Variants in PARP12 observed in about 807,000 individuals in gnomAD.
PARP12 encodes the protein poly(ADP-ribose) polymerase family member 12, also known as protein mono-ADP-ribosyltransferase PARP12.
A neutral mutation model predicts 72.4 loss-of-function variants in PARP12; 59 were observed. The ratio of observed to expected loss-of-function variants is 0.81; its 90% CI spans 0.66 to 1.01. The LOEUF is 1.01. Among genes scored for constraint, PARP12 ranks in the 50% least tolerant of loss-of-function variants. The pLI, the probability that PARP12 is intolerant of heterozygous loss-of-function variation, is 0.00. For missense variants in PARP12, 851 were observed against 914.0 expected (o/e 0.93, Z 0.89); for synonymous variants, 403 against 371.4 (o/e 1.09, Z -0.98).
At chr7:140,053,659 C>T (rs1817059427) in intron 4 of PARP12, among the ~76,000 whole-genome samples, 1 of 152,000 alleles carries the variant, frequency 6.6e-6, no homozygotes, top group Non-Finnish European at 1.5e-5. Context: ...TATTCCTTGA[C>T]CTATCATTCC....
At chr7:140,050,107 G>C (rs959825133) in intron 4 of PARP12, among the ~76,000 whole-genome samples, 2 of 152,146 alleles carry the variant, frequency 1.3e-5, no homozygotes, top group African/African-American at 4.8e-5. Flanking sequence ...TTCAAGAATT[G>C]CTAAAACTAT....
intron 8 of PARP12, among the ~76,000 whole-genome samples, chr7:140,032,993 C>T (rs888546947): frequency 1.3e-5 from 2 of 151,836 alleles, no homozygotes; most frequent in Non-Finnish European, 2.9e-5. Flanking sequence ...ACTCTGTCAC[C>T]CAGGCTGGAG....
rs1245120419 is a variant in PARP12 at position 140,024,172 on chromosome 7, CTA to C, written c.*386_*387del. 3 of 304,914 alleles carry C rather than the reference CTA, an allele frequency of 9.8e-6. No homozygotes were observed. The highest frequency in any genetic ancestry group is 9.5e-5 in the Admixed American group (2 of 21,076). 18.9% of individuals were successfully genotyped at this position (304,914 alleles called of 1,614,324 possible). On this transcript the variant is annotated 3_prime_UTR_variant, in exon 12 of 12. Coordinates refer to ENST00000263549, the MANE Select transcript of PARP12 (RefSeq NM_022750.4). ...TGGCTACTGTGTCATTCTGGAAAAA[CTA>C]TGATGCCATGAGACTCTGAGAAACC...
intron 1 of PARP12, among the ~76,000 whole-genome samples, chr7:140,059,859 G>A (rs1817367416): frequency 6.6e-6 from 1 of 152,216 alleles, no homozygotes; most frequent in African/African-American, 2.4e-5. Flanking sequence ...AGGGCTGGGA[G>A]AGAACTGGGG....
intron 7 of PARP12, among the ~76,000 whole-genome samples, chr7:140,035,890 A>AGAGGAGGAGGAC (rs1816136788): frequency 8.4e-6 from 1 of 119,022 alleles, no homozygotes; most frequent in Non-Finnish European, 1.8e-5. Context: ...AGGAAGAGGA[A>AGAGGAGGAGGAC]GAGGAGGAGG....
At chr7:140,026,423 A>C in intron 10 of PARP12, 75 bp from the exon 11 acceptor site, 1 of 1,538,690 alleles carries the variant, frequency 6.5e-7, no homozygotes, top group Non-Finnish European at 8.7e-7. Flanking sequence ...ATGCAAAACA[A>C]CACATTTTTC....
intron 1 of PARP12, among the ~76,000 whole-genome samples, chr7:140,061,459 A>G (rs1817440449): frequency 6.6e-6 from 1 of 152,088 alleles, no homozygotes; most frequent in African/African-American, 2.4e-5. Context: ...ACATACACAC[A>G]CACACACAAA....
intron 7 of PARP12, among the ~76,000 whole-genome samples, chr7:140,036,345 G>A (rs544036863): frequency 4.9e-4 from 74 of 152,330 alleles, no homozygotes; most frequent in Non-Finnish European, 8.7e-4. Flanking sequence ...GGGCAGTCCT[G>A]ATTTGATTAA....
rs115954938 is a variant in PARP12, at chr7:140,027,384, G to A, written c.1520C>T (p.Ser507Leu). 1.2e-4 allele frequency: 194 copies of A among 1,613,976 alleles called. No individual in the cohort carries two copies. In the African/African-American group the frequency reaches 2.1e-3, roughly 18 times the overall value. Residue 507 changes from serine (S) to leucine (L), a missense_variant, in exon 10 of 12, where the codon TCG (serine) becomes TTG (leucine). By Grantham distance (145) the Ser-to-Leu change is moderately radical. This residue lies in a region of PARP12 where 347 missense variants were observed against 396.1 expected (regional missense o/e 0.88). Coordinates refer to ENST00000263549, the MANE Select transcript of PARP12 (RefSeq NM_022750.4). ...GFQKITLSSSSEEYQKVWNLF... is the reference protein window; with the variant it reads ...GFQKITLSSSLEEYQKVWNLF... Reference sequence around the variant, plus strand: ...GTTCCAGACCTTCTGATACTCTTCCGAGGAAGAACTAAGGGTGATCTTCTG... The same window carrying A: ...GTTCCAGACCTTCTGATACTCTTCCAAGGAAGAACTAAGGGTGATCTTCTG...
At chr7:140,050,031 C>G (rs1331931547) in intron 4 of PARP12, among the ~76,000 whole-genome samples, 1 of 151,912 alleles carries the variant, frequency 6.6e-6, no homozygotes, top group East Asian at 1.9e-4. Context: ...AATAACAGGC[C>G]AGAGAGAATA....
intron 8 of PARP12, among the ~76,000 whole-genome samples, chr7:140,030,367 G>A (rs1296170926): frequency 1.3e-5 from 2 of 152,328 alleles, no homozygotes; most frequent in Non-Finnish European, 2.9e-5. Context: ...GGAGGCCGAG[G>A]TGGGCAGATC....
At position 140,023,758 on chromosome 7, in the gene PARP12, ATTTTC is replaced by A. The variant is rs1470521438; in HGVS notation, c.*797_*801del. On this transcript the variant is annotated 3_prime_UTR_variant, in exon 12 of 12. Coordinates refer to ENST00000263549, the MANE Select transcript of PARP12 (RefSeq NM_022750.4). ...TTCAGTCTTCATCCACTTCGGATAA[ATTTTC>A]TTTTATTTCCATACTCTTTTGTGAC... 5 of 152,674 alleles carry A rather than the reference ATTTTC, an allele frequency of 3.3e-5. No individual in the cohort carries two copies. The highest frequency in any genetic ancestry group is 4.8e-5 in the African/African-American group (2 of 41,436). 9.5% of individuals were successfully genotyped at this position (152,674 alleles called of 1,614,324 possible). A position where few individuals can be genotyped will look rare whatever the true frequency, so the allele number is the denominator to read the frequency against.
chr7:140,037,951 G>C (rs1027701672), intron 6 of PARP12, 95 bp from the exon 7 acceptor site: 34 of 1,520,674 alleles, frequency 2.2e-5, no homozygotes, highest in Non-Finnish European at 3.0e-5. Context: ...AGGTGCTCCT[G>C]GTGGACAGTC....
At chr7:140,031,783 G>A (rs1815947806) in intron 8 of PARP12, among the ~76,000 whole-genome samples, 1 of 152,168 alleles carries the variant, frequency 6.6e-6, no homozygotes, top group African/African-American at 2.4e-5. Context: ...TCCAAACCTT[G>A]TCTAGGGTAG....
Position 140,062,905 on chromosome 7 carries a change from G to A in PARP12, c.-58C>T, listed in dbSNP as rs1235456026. 6 of 1,206,694 alleles carry A rather than the reference G, an allele frequency of 5.0e-6. No individual in the cohort carries two copies. The highest frequency in any genetic ancestry group is 4.8e-5 in the African/African-American group (3 of 62,396). 74.7% of individuals were successfully genotyped at this position (1,206,694 alleles called of 1,614,324 possible). On this transcript the variant is annotated 5_prime_UTR_variant, in exon 1 of 12. Coordinates refer to ENST00000263549, the MANE Select transcript of PARP12 (RefSeq NM_022750.4). ...TGGCGCGACGCGGACGGCGGCGGAC[G>A]CTGGCTGGCGGGCGGCTCTCGCAGG...
At chr7:140,061,240 T>G (rs1480579322) in intron 1 of PARP12, among the ~76,000 whole-genome samples, 1 of 152,138 alleles carries the variant, frequency 6.6e-6, no homozygotes, top group Non-Finnish European at 1.5e-5. Context: ...CTTCTAGACC[T>G]GGCCCACAAA....
chr7:140,031,041 G>T (rs1815922829), intron 8 of PARP12, among the ~76,000 whole-genome samples: 1 of 152,152 alleles, frequency 6.6e-6, no homozygotes, highest in Non-Finnish European at 1.5e-5. Context: ...AGATAGGAGG[G>T]CAAAGATATT....
At chr7:140,033,330 C>A (rs1050713847) in intron 8 of PARP12, 1 of 985,406 alleles carries the variant, frequency 1.0e-6, no homozygotes, top group Non-Finnish European at 1.2e-6. Flanking sequence ...CATTTAAAAA[C>A]GACCTTTGCA....
At chr7:140,038,077 T>C (rs932503270) in intron 6 of PARP12, 5 of 985,268 alleles carry the variant, frequency 5.1e-6, no homozygotes, top group South Asian at 4.7e-5. Flanking sequence ...GCAGTAAATA[T>C]GGGTCCTGCT....
Sources: gnomAD v4.1 joint callset for allele counts (sites outside exome capture counted in the v4.1 genomes callset) on GRCh38, gnomAD v4.1.1 for gene constraint, gnomAD v4.1.1 regional missense constraint, MANE v1.5 for transcripts, NCBI Gene and HGNC (gene_info 2026-07-23, HGNC 2026-07-21) for gene names.